DGKG: variants seen among roughly 807,000 people sequenced by gnomAD.
DGKG encodes the protein DAG kinase gamma.
Under a neutral mutation model 105.3 loss-of-function variants are expected in DGKG, and 78 were observed. That is an observed-to-expected ratio of 0.74 (90% CI 0.62 to 0.89). The LOEUF is 0.89. DGKG is among the 40% of genes least tolerant of loss of function. DGKG has a pLI of 0.00. For missense variants in DGKG, 958 were observed against 1,020.1 expected (o/e 0.94, Z 0.83); for synonymous variants, 346 against 367.1 (o/e 0.94, Z 0.66).
intron 11 of DGKG, among the ~76,000 whole-genome samples, chr3:186,269,188 C>A (rs1269791334): frequency 1.3e-5 from 2 of 152,250 alleles, no homozygotes. Context: ...GGCCTCTGAG[C>A]AGCATCTTGT....
At chr3:186,228,133 T>C (rs1448247866) in intron 20 of DGKG, among the ~76,000 whole-genome samples, 1 of 152,190 alleles carries the variant, frequency 6.6e-6, no homozygotes, top group Non-Finnish European at 1.5e-5. Flanking sequence ...GATTCTTTTT[T>C]TCAATATGGA....
chr3:186,275,365 T>C (rs1166677192), intron 10 of DGKG, among the ~76,000 whole-genome samples, 182 bp downstream of exon 10: 2 of 152,198 alleles, frequency 1.3e-5, no homozygotes, highest in Admixed American at 1.3e-4. Context: ...ACCTGTCCAT[T>C]GGACTTGGGT....
At chr3:186,292,243 C>T (rs1006454173) in intron 5 of DGKG, among the ~76,000 whole-genome samples, 3 of 152,114 alleles carry the variant, frequency 2.0e-5, no homozygotes, top group African/African-American at 7.2e-5. Flanking sequence ...TTCAGTGGGG[C>T]AGTGTGGCAT....
intron 1 of DGKG, among the ~76,000 whole-genome samples, chr3:186,328,575 C>CTTTTTTTTT (rs34252507): frequency 7.1e-6 from 1 of 141,124 alleles, no homozygotes. Context: ...CTACACCATT[C>CTTTTTTTTT]TTTTTTTTTT....
chr3:186,199,805 C>A (rs892606681), intron 21 of DGKG, among the ~76,000 whole-genome samples: 3 of 152,140 alleles, frequency 2.0e-5, no homozygotes, highest in African/African-American at 7.2e-5. Flanking sequence ...TGAGCCACTG[C>A]GCCCGGCCTT....
intron 1 of DGKG, among the ~76,000 whole-genome samples, chr3:186,336,182 C>T (rs1289613289): frequency 2.0e-5 from 3 of 152,180 alleles, no homozygotes; most frequent in Non-Finnish European, 2.9e-5. Flanking sequence ...GCAGGACCAT[C>T]TCAGTCCAAC....
At chr3:186,265,652 C>CCTCT (rs1722013745) in intron 13 of DGKG, among the ~76,000 whole-genome samples, 1 of 124,562 alleles carries the variant, frequency 8.0e-6, no homozygotes, top group East Asian at 2.5e-4. Flanking sequence ...GGCTTTTCTT[C>CCTCT]CTTTCTTTTT....
chr3:186,177,942 T>TTG (rs1307124852), intron 22 of DGKG, among the ~76,000 whole-genome samples: 1 of 150,478 alleles, frequency 6.6e-6, no homozygotes, highest in African/African-American at 2.5e-5. Flanking sequence ...TCCAATATGA[T>TTG]GGTATTTGGA....
intron 1 of DGKG, among the ~76,000 whole-genome samples, chr3:186,329,442 T>A (rs1020564011): frequency 6.6e-6 from 1 of 152,190 alleles, no homozygotes; most frequent in African/African-American, 2.4e-5. Context: ...GGTCTCTCTA[T>A]TCATTTGAAT....
intron 9 of DGKG, 59 bp downstream of exon 9, chr3:186,279,792 C>A: frequency 2.5e-6 from 4 of 1,590,298 alleles, no homozygotes; most frequent in Non-Finnish European, 3.4e-6. Flanking sequence ...TTGATATTAA[C>A]ATGAAGCCCA....
At chr3:186,159,343 T>A (rs1716180148) in intron 24 of DGKG, 1 of 149,096 alleles carries the variant, frequency 6.7e-6, no homozygotes, top group Non-Finnish European at 1.5e-5. Context: ...ATACGTTTTG[T>A]CATCAAAGTG....
In DGKG at chr3:186,284,469, T is replaced by C. The variant is rs1014902076; in HGVS notation, c.594+191A>G. On this transcript the variant is annotated intron_variant, in intron 7 of 24. Transcript: ENST00000265022. This position sits in a 1 kb window ranked among gnomAD's most constrained non-coding sequence, Gnocchi z 4.0. Reference sequence around the variant, plus strand: ...TCTAGAGCGAAAAGGTAAGTTGGCATTCACGCTCTGCAAGGCCGGCCCTTT... The same window carrying C: ...TCTAGAGCGAAAAGGTAAGTTGGCACTCACGCTCTGCAAGGCCGGCCCTTT... Among the ~76,000 whole-genome samples, 1 of 150,232 alleles carries C rather than the reference T, an allele frequency of 6.7e-6. No individual in the cohort carries two copies. Among genetic ancestry groups the C allele is most frequent in the Non-Finnish European group, 1.5e-5 (1 of 68,018 alleles).
chr3:186,314,195 A>G (rs866977234), intron 2 of DGKG, among the ~76,000 whole-genome samples: 4,742 of 149,008 alleles, frequency 0.032, 267 homozygotes, highest in African/African-American at 0.11. Context: ...ACACACACAC[A>G]CACACACACA....
At chr3:186,274,232 A>G (rs2108588313) in intron 10 of DGKG, among the ~76,000 whole-genome samples, 1 of 152,198 alleles carries the variant, frequency 6.6e-6, no homozygotes, top group East Asian at 1.9e-4. Flanking sequence ...CCGTCATCCA[A>G]GCTGGAGTGC....
chr3:186,224,659 G>A (rs1719761798), intron 20 of DGKG, among the ~76,000 whole-genome samples: 1 of 152,142 alleles, frequency 6.6e-6, no homozygotes, highest in African/African-American at 2.4e-5. Flanking sequence ...TACATTAAAA[G>A]CTCTACAATA....
intron 1 of DGKG, among the ~76,000 whole-genome samples, chr3:186,345,044 C>A (rs749632287): frequency 6.6e-6 from 1 of 152,124 alleles, no homozygotes; most frequent in Non-Finnish European, 1.5e-5. Context: ...CCACCTCTAC[C>A]GTGTTTCCAT....
intron 21 of DGKG, among the ~76,000 whole-genome samples, chr3:186,188,881 C>T (rs1226292101): frequency 6.6e-6 from 1 of 152,138 alleles, no homozygotes; most frequent in African/African-American, 2.4e-5. Flanking sequence ...GTGGCACAAT[C>T]TCGGCTCACT....
At chr3:186,291,473 T>C (rs1440460069) in intron 5 of DGKG, among the ~76,000 whole-genome samples, 6 of 152,350 alleles carry the variant, frequency 3.9e-5, no homozygotes, top group South Asian at 4.1e-4. Context: ...ATGATAATTA[T>C]AAATTGGAAG....
chr3:186,273,695 T>C (rs1012884487), intron 10 of DGKG, among the ~76,000 whole-genome samples: 2 of 152,130 alleles, frequency 1.3e-5, no homozygotes, highest in African/African-American at 4.8e-5. Flanking sequence ...CTTTAGCCCG[T>C]TGATGCTTGG....
Sources: allele counts gnomAD v4.1 joint callset (sites outside exome capture counted in the v4.1 genomes callset), GRCh38; gene constraint gnomAD v4.1.1; non-coding constraint Gnocchi (gnomAD v3.1); transcripts MANE v1.5; gene names NCBI Gene and HGNC (gene_info 2026-07-23, HGNC 2026-07-21).